Variants in STRN observed in about 807,000 individuals in gnomAD.
STRN encodes the protein striatin, also known as protein phosphatase 2 regulatory subunit B'''alpha.
STRN carries 53 observed loss-of-function variants against 96.3 expected under a neutral mutation model. That is an observed-to-expected ratio of 0.55 (90% CI 0.44 to 0.69). The LOEUF (loss-of-function observed/expected upper bound fraction) is 0.69. Among genes scored for constraint, STRN ranks in the 30% least tolerant of loss-of-function variants. The pLI, the probability that STRN is intolerant of heterozygous loss-of-function variation, is 0.00. For missense variants in STRN, 987 were observed against 963.9 expected (o/e 1.02, Z -0.32); for synonymous variants, 428 against 355.9 (o/e 1.20, Z -2.28).
intron 14 of STRN, 64 bp from the exon 15 acceptor site, chr2:36,855,416 T>G: frequency 1.9e-6 from 3 of 1,557,404 alleles, no homozygotes; most frequent in Non-Finnish European, 2.6e-6. Context: ...CTGCTTAAAA[T>G]AGAGCAAAAC....
intron 8 of STRN, among the ~76,000 whole-genome samples, chr2:36,884,432 T>A (rs1219007408): frequency 3.3e-5 from 5 of 152,188 alleles, no homozygotes; most frequent in Non-Finnish European, 5.9e-5. Flanking sequence ...GTAACATCCC[T>A]GTTTGTTTAA....
intron 1 of STRN, among the ~76,000 whole-genome samples, chr2:36,942,838 G>T (rs1001224197): frequency 6.6e-6 from 1 of 152,026 alleles, no homozygotes; most frequent in African/African-American, 2.4e-5. Context: ...TGGGATTACA[G>T]GCACGCAACA....
intron 3 of STRN, among the ~76,000 whole-genome samples, chr2:36,907,924 G>T (rs978807284): frequency 6.6e-6 from 1 of 151,662 alleles, no homozygotes; most frequent in Non-Finnish European, 1.5e-5. Flanking sequence ...AGAAAATAAG[G>T]GGAATTAAAT....
chr2:36,901,138 G>C (rs1669671198), intron 5 of STRN, among the ~76,000 whole-genome samples: 1 of 152,134 alleles, frequency 6.6e-6, no homozygotes, highest in Non-Finnish European at 1.5e-5. Flanking sequence ...AAATCGGACA[G>C]ATTAGCAACA....
At chr2:36,956,395 G>C (rs557793268) in intron 1 of STRN, among the ~76,000 whole-genome samples, 1 of 152,288 alleles carries the variant, frequency 6.6e-6, no homozygotes, top group Non-Finnish European at 1.5e-5. Context: ...AAGTGATAGA[G>C]ATGTCTGACT....
rs567212199 is a variant in STRN at position 36,915,393 on chromosome 2, G to A, written c.412+685C>T. On this transcript the variant is annotated intron_variant, in intron 3 of 17. Coordinates refer to ENST00000263918, the MANE Select transcript of STRN (RefSeq NM_003162.4). ...CCAGAAACGTACCTATCTGAAACAT[G>A]GTTGATAACTTTTGATTAATTTTTG... Among the ~76,000 whole-genome samples the A allele has an allele frequency of 1.5e-4, 22 of 150,728 alleles. No homozygotes were observed. The South Asian group carries it at 4.6e-3, about 31-fold the overall frequency.
chr2:36,909,011 C>G (rs192883433), intron 3 of STRN, among the ~76,000 whole-genome samples: 35 of 136,740 alleles, frequency 2.6e-4, no homozygotes, highest in Non-Finnish European at 5.4e-4. Context: ...AAAAAAATAG[C>G]TGGGCAAGGT....
At position 36,840,241 on chromosome 2, in the gene STRN, CCCTTTCAA is replaced by C. The variant is rs1667919804; in HGVS notation, c.*9207_*9214del. 6.6e-6 allele frequency: 1 copy of C among 152,298 alleles called. No individual in the cohort carries two copies. Among genetic ancestry groups the C allele is most frequent in the Non-Finnish European group, 1.5e-5 (1 of 68,170 alleles). The allele number at this position is 152,298 out of a possible 1,614,324, so 9.4% of individuals were successfully genotyped here. A position where few individuals can be genotyped will look rare whatever the true frequency, so the allele number is the denominator to read the frequency against. On this transcript the variant is annotated 3_prime_UTR_variant, in exon 18 of 18. Transcript: ENST00000263918. Reference sequence around the variant, plus strand: ...GCTCAGGTTCCAGGCTAGAAAAGCTCCCTTTCAACTGATCAGAGGCCAGTGGGGAACAG... The same window carrying C: ...GCTCAGGTTCCAGGCTAGAAAAGCTCCTGATCAGAGGCCAGTGGGGAACAG...
intron 1 of STRN, among the ~76,000 whole-genome samples, chr2:36,961,474 C>A (rs1447458595): frequency 6.6e-6 from 1 of 151,992 alleles, no homozygotes; most frequent in Non-Finnish European, 1.5e-5. Context: ...TTCTCAAACC[C>A]CACATTCTAT....
chr2:36,958,984 C>T (rs1317409275), intron 1 of STRN, among the ~76,000 whole-genome samples: 3 of 152,038 alleles, frequency 2.0e-5, no homozygotes, highest in Non-Finnish European at 4.4e-5. Flanking sequence ...GGCATGGTGG[C>T]GGGCGTCTGT....
chr2:36,839,633 C>T lies in STRN; in HGVS notation c.*9823G>A, dbSNP rs1017258831. On this transcript the variant is annotated 3_prime_UTR_variant, in exon 18 of 18. Coordinates refer to ENST00000263918, the MANE Select transcript of STRN (RefSeq NM_003162.4). The stretch of plus-strand genomic sequence containing the variant: ...TGAGAAGCCAATTTAGAAGAGTTGA[C>T]TTGTCTAAAATCTAACAGACAATAA... Among the ~76,000 whole-genome samples the T allele has an allele frequency of 2.0e-5, 3 of 152,168 alleles. No individual in the cohort carries two copies. Among genetic ancestry groups the T allele is most frequent in the African/African-American group, 7.2e-5 (3 of 41,452 alleles).
At chr2:36,934,534 A>G (rs916350031) in intron 1 of STRN, among the ~76,000 whole-genome samples, 3 of 152,244 alleles carry the variant, frequency 2.0e-5, no homozygotes, top group Admixed American at 2.0e-4. Context: ...AAGAGTTAAC[A>G]TGTTTTAAAC....
intron 2 of STRN, among the ~76,000 whole-genome samples, chr2:36,921,315 T>C (rs1019654706): frequency 2.6e-5 from 4 of 152,106 alleles, no homozygotes; most frequent in African/African-American, 9.7e-5. Flanking sequence ...TCCAAAATAC[T>C]ACTCTCTCCT....
At chr2:36,917,637 A>C (rs1039581753) in intron 2 of STRN, among the ~76,000 whole-genome samples, 8 of 152,242 alleles carry the variant, frequency 5.3e-5, no homozygotes, top group Non-Finnish European at 1.2e-4. Context: ...TTGCAATAAT[A>C]ATCATTTTGC....
intron 1 of STRN, among the ~76,000 whole-genome samples, chr2:36,939,063 G>A (rs575311358): frequency 6.6e-6 from 1 of 151,838 alleles, no homozygotes; most frequent in African/African-American, 2.4e-5. Flanking sequence ...TCGGCTCACT[G>A]CAACCTCCAA....
Position 36,849,330 on chromosome 2 carries a change from A to C in STRN, c.*126T>G. The C allele has an allele frequency of 8.8e-7, 1 of 1,135,390 alleles. No individual in the cohort carries two copies. Among genetic ancestry groups the C allele is most frequent in the Non-Finnish European group, 1.2e-6 (1 of 806,672 alleles). 70.3% of individuals were successfully genotyped at this position (1,135,390 alleles called of 1,614,324 possible). On this transcript the variant is annotated 3_prime_UTR_variant, in exon 18 of 18. Coordinates refer to ENST00000263918, the MANE Select transcript of STRN (RefSeq NM_003162.4). ...GAATTGCAAAACTATACTTCAACAA[A>C]TGTTCTCTGTGCTCCTTCAGCAGAA...
chr2:36,962,048 C>G (rs1356309163), intron 1 of STRN, among the ~76,000 whole-genome samples: 2 of 152,150 alleles, frequency 1.3e-5, no homozygotes, highest in African/African-American at 4.8e-5. Context: ...TCTTTCCCAA[C>G]ATTCTATGTA....
chr2:36,944,680 AT>A (rs1367558589), intron 1 of STRN, among the ~76,000 whole-genome samples: 1 of 152,212 alleles, frequency 6.6e-6, no homozygotes, highest in Non-Finnish European at 1.5e-5. Flanking sequence ...CTATTTGTAA[AT>A]ATACATAGCA....
intron 1 of STRN, among the ~76,000 whole-genome samples, chr2:36,948,101 T>A (rs1017056890): frequency 1.6e-4 from 15 of 93,746 alleles, no homozygotes; most frequent in Admixed American, 2.3e-4. Flanking sequence ...TTTTTTTTTT[T>A]TTTTTTTTTT....
Sources: allele counts gnomAD v4.1 joint callset (sites outside exome capture counted in the v4.1 genomes callset), GRCh38; gene constraint gnomAD v4.1.1; transcripts MANE v1.5; gene names NCBI Gene and HGNC (gene_info 2026-07-23, HGNC 2026-07-21).